Variants in COL25A1 observed in about 807,000 individuals in gnomAD.
COL25A1 encodes collagen type XXV alpha 1 chain.
In COL25A1, 103 loss-of-function variants were observed where a neutral mutation model predicts 128.4. The observed-to-expected ratio is 0.80, with a 90% CI of 0.68 to 0.94. The LOEUF (loss-of-function observed/expected upper bound fraction) is 0.94, where lower values mean the gene tolerates loss of function less well. Among genes scored for constraint, COL25A1 ranks in the 40% least tolerant of loss-of-function variants. The pLI is 0.00. For synonymous variants in COL25A1, 279 were observed against 277.2 expected, an observed-to-expected ratio of 1.01 and a Z score of -0.06; for missense variants, 745 against 840.0, an observed-to-expected ratio of 0.89 and a Z score of 1.40.
At chr4:109,292,902 C>T (rs1250125067) in intron 3 of COL25A1, among the ~76,000 whole-genome samples, 5 of 152,054 alleles carry the variant, frequency 3.3e-5, no homozygotes, top group Admixed American at 1.3e-4. Context: ...CCAAAGTTCA[C>T]TTAGGAGCCC....
At chr4:109,072,573 G>A (rs1273773593) in intron 3 of COL25A1, among the ~76,000 whole-genome samples, 1 of 152,026 alleles carries the variant, frequency 6.6e-6, no homozygotes, top group Middle Eastern at 3.2e-3. Flanking sequence ...AATCAATATG[G>A]GTCCCCCAAA....
At chr4:108,996,377 G>A (rs1317727997) in intron 6 of COL25A1, among the ~76,000 whole-genome samples, 2 of 151,766 alleles carry the variant, frequency 1.3e-5, no homozygotes, top group African/African-American at 4.8e-5. Flanking sequence ...AAGAGACAAG[G>A]CCATTACATA....
At chr4:109,051,620 T>TAC (rs61340199) in intron 3 of COL25A1, among the ~76,000 whole-genome samples, 51 of 148,554 alleles carry the variant, frequency 3.4e-4, no homozygotes, top group South Asian at 1.1e-3. Flanking sequence ...CACACATACA[T>TAC]ACACACACAC....
intron 3 of COL25A1, among the ~76,000 whole-genome samples, chr4:109,272,346 T>G (rs905610886): frequency 3.9e-5 from 6 of 152,352 alleles, no homozygotes; most frequent in African/African-American, 1.4e-4. Flanking sequence ...GTAAATGAAC[T>G]GCCACTTGCT....
At chr4:108,820,293 A>G (rs1731645525) in intron 35 of COL25A1, among the ~76,000 whole-genome samples, 2 of 152,186 alleles carry the variant, frequency 1.3e-5, no homozygotes, top group Admixed American at 1.3e-4. Flanking sequence ...TCAATTTTCA[A>G]TACCTGTCAC....
chr4:108,953,082 T>G (rs992823982), intron 8 of COL25A1, among the ~76,000 whole-genome samples: 2 of 152,134 alleles, frequency 1.3e-5, no homozygotes, highest in Non-Finnish European at 2.9e-5. Context: ...CTTCCTTGTA[T>G]ACCTCTGAAG....
chr4:109,156,608 T>G (rs145873756), intron 3 of COL25A1, among the ~76,000 whole-genome samples: 6 of 152,104 alleles, frequency 3.9e-5, no homozygotes, highest in Admixed American at 3.9e-4. Flanking sequence ...AGCAAACTCA[T>G]ATGTTGAGAT....
At chr4:109,077,707 G>GA (rs1763503126) in intron 3 of COL25A1, among the ~76,000 whole-genome samples, 1 of 152,146 alleles carries the variant, frequency 6.6e-6, no homozygotes, top group Non-Finnish European at 1.5e-5. Context: ...GAAACAGACA[G>GA]AAAGGCAAAC....
chr4:108,880,631 G>A (rs910365889), intron 19 of COL25A1, among the ~76,000 whole-genome samples: 3 of 152,134 alleles, frequency 2.0e-5, no homozygotes, highest in Non-Finnish European at 4.4e-5. Flanking sequence ...TTTCACAACA[G>A]CTCTCTGAGT....
chr4:108,897,017 GCAAA>G (rs1742226085), intron 15 of COL25A1, among the ~76,000 whole-genome samples: 1 of 152,120 alleles, frequency 6.6e-6, no homozygotes, highest in Non-Finnish European at 1.5e-5. Context: ...AAAGCTCCAC[GCAAA>G]CAAAGGCTTT....
At chr4:108,905,034 C>T (rs1438844807) in intron 13 of COL25A1, among the ~76,000 whole-genome samples, 5 of 152,048 alleles carry the variant, frequency 3.3e-5, no homozygotes, top group Admixed American at 6.6e-5. Flanking sequence ...AAAAGAAATG[C>T]GGTTTTCTTA....
At chr4:109,048,321 AT>A in intron 4 of COL25A1, 146 bp from the exon 5 acceptor site, 2 of 721,312 alleles carry the variant, frequency 2.8e-6, no homozygotes, top group South Asian at 2.1e-5. Flanking sequence ...ATTCTTAATC[AT>A]TTTTAGACCA....
intron 5 of COL25A1, among the ~76,000 whole-genome samples, chr4:109,025,828 T>A (rs946642898): frequency 2.0e-5 from 3 of 152,144 alleles, no homozygotes; most frequent in Non-Finnish European, 4.4e-5. Context: ...TTAGGGGTCA[T>A]TTCTACCATT....
At chr4:108,979,708 T>C (rs1184734791) in intron 6 of COL25A1, among the ~76,000 whole-genome samples, 1 of 152,216 alleles carries the variant, frequency 6.6e-6, no homozygotes, top group African/African-American at 2.4e-5. Context: ...TTCTGATTAA[T>C]CTATTCATTG....
intron 3 of COL25A1, among the ~76,000 whole-genome samples, chr4:109,099,691 AC>A (rs1765718497): frequency 6.6e-6 from 1 of 151,894 alleles, no homozygotes. Flanking sequence ...ATCCCAAAAC[AC>A]CATAAATTAG....
chr4:108,955,155 A>T (rs1345368949), intron 8 of COL25A1, among the ~76,000 whole-genome samples: 4 of 152,074 alleles, frequency 2.6e-5, no homozygotes, highest in Admixed American at 2.0e-4. Flanking sequence ...ATTTTCACAT[A>T]AGGGACTGTC....
At chr4:109,233,133 T>A (rs907548885) in intron 3 of COL25A1, among the ~76,000 whole-genome samples, 5 of 152,216 alleles carry the variant, frequency 3.3e-5, no homozygotes, top group Non-Finnish European at 5.9e-5. Context: ...GACCTGGGGT[T>A]GTTTTTATTT....
chr4:109,139,257 T>A (rs1560755368), intron 3 of COL25A1, among the ~76,000 whole-genome samples: 1 of 152,168 alleles, frequency 6.6e-6, no homozygotes, highest in Non-Finnish European at 1.5e-5. Flanking sequence ...AATGCAAAAA[T>A]TTTCTTCCAT....
intron 3 of COL25A1, among the ~76,000 whole-genome samples, chr4:109,286,813 C>T (rs966060071): frequency 2.0e-5 from 3 of 152,126 alleles, no homozygotes; most frequent in Non-Finnish European, 4.4e-5. Flanking sequence ...GATCTCTGTT[C>T]TCACAACCCA....
Sources: gnomAD v4.1 joint callset for allele counts (sites outside exome capture counted in the v4.1 genomes callset) on GRCh38, gnomAD v4.1.1 for gene constraint, MANE v1.5 for transcripts, NCBI Gene and HGNC (gene_info 2026-07-23, HGNC 2026-07-21) for gene names.